The following LRRC7 variants were observed in gnomAD, a reference collection of about 807,000 sequenced individuals.
LRRC7 encodes leucine-rich repeat-containing protein 7.
LRRC7 carries 23 observed loss-of-function variants against 175.7 expected under a neutral mutation model. The observed-to-expected ratio is 0.13, with a 90% CI of 0.09 to 0.19. The LOEUF is 0.19. Among genes scored for constraint, LRRC7 ranks in the 10% least tolerant of loss-of-function variants. LRRC7 has a pLI of 1.00. For synonymous variants in LRRC7, 685 were observed against 680.9 expected (o/e 1.01, Z -0.09); for missense variants, 1,354 against 1,904.7 (o/e 0.71, Z 5.38).
At chr1:69,744,487 C>T (rs1244853515) in intron 2 of LRRC7, among the ~76,000 whole-genome samples, 1 of 151,782 alleles carries the variant, frequency 6.6e-6, no homozygotes, top group East Asian at 1.9e-4. Flanking sequence ...ATTTCTGTAG[C>T]TTGTTTTGTT....
chr1:69,760,217 C>A lies in LRRC7; in HGVS notation c.127C>A (p.Arg43=), dbSNP rs150507629. 1.9e-6 allele frequency: 3 copies of A among 1,612,716 alleles called. No homozygotes were observed. The highest frequency in any genetic ancestry group is 2.2e-5 in the South Asian group (2 of 91,056). ...GCAGTGCCTGGAGATGACCACCAAA[C>A]GGAAAATCATCGGCCGTCTGGTGCC... ...ELQCLEMTTK[R]KIIGRLVPCR... Residue 43 remains arginine (R), a synonymous_variant, in exon 3 of 27, where the codon CGG becomes AGG. Transcript: ENST00000651989.
chr1:69,656,886 A>G (rs1217659381), intron 1 of LRRC7, among the ~76,000 whole-genome samples: 1 of 151,950 alleles, frequency 6.6e-6, no homozygotes, highest in African/African-American at 2.4e-5. Flanking sequence ...TTTTAGCAAC[A>G]ATGTAATGGG....
chr1:69,887,939 G>T (rs1324638137), intron 7 of LRRC7, among the ~76,000 whole-genome samples: 1 of 143,822 alleles, frequency 7.0e-6, no homozygotes, highest in East Asian at 2.0e-4. Flanking sequence ...CAGGGGTCAG[G>T]GGTCAGGGAC....
intron 7 of LRRC7, among the ~76,000 whole-genome samples, chr1:69,862,307 A>G (rs752505839): frequency 4.6e-5 from 7 of 152,222 alleles, no homozygotes; most frequent in Non-Finnish European, 8.8e-5. Flanking sequence ...TGGCATATAG[A>G]TTATTAGGAT....
At chr1:69,726,755 G>A (rs1432352860) in intron 2 of LRRC7, among the ~76,000 whole-genome samples, 3 of 151,514 alleles carry the variant, frequency 2.0e-5, no homozygotes, top group Non-Finnish European at 4.4e-5. Context: ...AAGAGGGCCA[G>A]AGTCAATTAT....
rs1384255976 is a variant in LRRC7, at chr1:70,133,315, G to A, written c.*11428G>A. Reference sequence around the variant, plus strand: ...GGCTCACTGCAACCTCCACCTCCTGGGTTCAAACGATTTTCCTGCCTCAGC... The same window carrying A: ...GGCTCACTGCAACCTCCACCTCCTGAGTTCAAACGATTTTCCTGCCTCAGC... On this transcript the variant is annotated 3_prime_UTR_variant, in exon 27 of 27. Transcript: ENST00000651989. Among the ~76,000 whole-genome samples the A allele has an allele frequency of 6.6e-6, 1 of 151,876 alleles. No individual in the cohort carries two copies. Among genetic ancestry groups the A allele is most frequent in the Non-Finnish European group, 1.5e-5 (1 of 67,976 alleles).
intron 7 of LRRC7, among the ~76,000 whole-genome samples, chr1:69,875,161 G>C (rs1018006610): frequency 2.6e-5 from 4 of 152,008 alleles, no homozygotes; most frequent in African/African-American, 9.7e-5. Flanking sequence ...CTATGTGAAA[G>C]TAGCTTTAAA....
chr1:69,862,473 G>A (rs1684459314), intron 7 of LRRC7, among the ~76,000 whole-genome samples: 5 of 152,248 alleles, frequency 3.3e-5, no homozygotes, highest in African/African-American at 9.6e-5. Flanking sequence ...ATTTCTGCCT[G>A]GGAATAATTA....
chr1:69,693,415 T>C (rs1332594728), intron 2 of LRRC7, among the ~76,000 whole-genome samples: 1 of 152,206 alleles, frequency 6.6e-6, no homozygotes, highest in Non-Finnish European at 1.5e-5. Context: ...TTGGCTCCCA[T>C]GATTTTGGAG....
chr1:69,973,502 T>C (rs1442406361), intron 8 of LRRC7, among the ~76,000 whole-genome samples: 1 of 152,182 alleles, frequency 6.6e-6, no homozygotes, highest in Non-Finnish European at 1.5e-5. Context: ...TGCATATACA[T>C]GGCAGGAGTT....
intron 2 of LRRC7, among the ~76,000 whole-genome samples, chr1:69,683,427 C>T (rs1354849073): frequency 6.6e-6 from 1 of 152,108 alleles, no homozygotes; most frequent in Non-Finnish European, 1.5e-5. Flanking sequence ...AAGACAATAG[C>T]CATACTGTGG....
chr1:69,647,595 G>T (rs1350528247), intron 1 of LRRC7, among the ~76,000 whole-genome samples: 2 of 150,686 alleles, frequency 1.3e-5, no homozygotes, highest in Non-Finnish European at 3.0e-5. Flanking sequence ...ATTTTTACTT[G>T]TTTTTTTTCT....
intron 7 of LRRC7, among the ~76,000 whole-genome samples, chr1:69,904,312 A>C (rs892448014): frequency 2.6e-5 from 4 of 152,212 alleles, no homozygotes; most frequent in African/African-American, 9.6e-5. Context: ...AAAAAGAAGA[A>C]TACTAATTTG....
intron 3 of LRRC7, among the ~76,000 whole-genome samples, chr1:69,762,860 T>C (rs2100949802): frequency 6.6e-6 from 1 of 152,164 alleles, no homozygotes; most frequent in East Asian, 1.9e-4. Flanking sequence ...GGAGAATTTA[T>C]TATCCTTTAT....
intron 2 of LRRC7, among the ~76,000 whole-genome samples, chr1:69,718,119 A>AAG (rs1439143524): frequency 1.3e-5 from 1 of 79,752 alleles, no homozygotes; most frequent in Admixed American, 1.3e-4. Flanking sequence ...AAAAGAAAGA[A>AAG]AGAAAGAAAA....
chr1:70,078,341 T>C, intron 24 of LRRC7, among the ~76,000 whole-genome samples: 1 of 152,196 alleles, frequency 6.6e-6, no homozygotes, highest in South Asian at 2.1e-4. Context: ...GTTTTCACAG[T>C]TGGCCAGCTC....
intron 6 of LRRC7, among the ~76,000 whole-genome samples, chr1:69,836,417 A>C (rs1025289521): frequency 6.6e-6 from 1 of 152,046 alleles, no homozygotes; most frequent in African/African-American, 2.4e-5. Context: ...GGATTTATCA[A>C]ATCAGAAAAT....
chr1:69,960,712 A>T lies in LRRC7; in HGVS notation c.712-19667A>T, dbSNP rs61068730. 7.6e-4 allele frequency among the ~76,000 whole-genome samples: 115 copies of T among 152,026 alleles called. 1 individual carries two copies. The East Asian group carries it at 0.022, about 29-fold the overall frequency. On this transcript the variant is annotated intron_variant, in intron 8 of 26. Coordinates refer to ENST00000651989, the MANE Select transcript of LRRC7 (RefSeq NM_001370785.2). ...AAATGTGATTCATCACATAAACAGA[A>T]CTAAAGACAAAAACCATATGATTAT...
intron 2 of LRRC7, among the ~76,000 whole-genome samples, chr1:69,702,372 A>G (rs780556412): frequency 3.3e-5 from 5 of 152,188 alleles, no homozygotes; most frequent in Admixed American, 6.6e-5. Context: ...AGCTTTTGTG[A>G]TCAGCAACAT....
Sources: gnomAD v4.1 joint callset for allele counts (sites outside exome capture counted in the v4.1 genomes callset) on GRCh38, gnomAD v4.1.1 for gene constraint, MANE v1.5 for transcripts, NCBI Gene and HGNC (gene_info 2026-07-23, HGNC 2026-07-21) for gene names.